DHX57: variants seen among roughly 807,000 people sequenced by gnomAD.
DHX57 encodes DExH-box helicase 57.
A neutral mutation model predicts 156.2 loss-of-function variants in DHX57; 105 were observed. The observed-to-expected ratio is 0.67, with a 90% CI of 0.57 to 0.79. The LOEUF is 0.79. Ranked by LOEUF, DHX57 falls within the 30% of genes least tolerant of loss-of-function variation. The probability of loss-of-function intolerance (pLI) is 0.00; values close to 1 mark genes in which losing one functional copy is unlikely to be tolerated. For missense variants in DHX57, 1,847 were observed against 1,661.9 expected, an observed-to-expected ratio of 1.11 and a Z score of -1.94; for synonymous variants, 704 against 595.6, an observed-to-expected ratio of 1.18 and a Z score of -2.65.
At chr2:38,803,153 T>C (rs914467389) in intron 22 of DHX57, 32 of 487,282 alleles carry the variant, frequency 6.6e-5, no homozygotes, top group Non-Finnish European at 9.8e-5. Context: ...TTTTTTAAAT[T>C]TTTTCGTAGA....
chr2:38,864,276 G>C (rs1168914350), intron 2 of DHX57, among the ~76,000 whole-genome samples: 1 of 150,284 alleles, frequency 6.7e-6, no homozygotes, highest in Non-Finnish European at 1.5e-5. Context: ...CAGGGGCATT[G>C]GCTCACACCT....
At chr2:38,804,833 C>T (rs948798964) in intron 22 of DHX57, among the ~76,000 whole-genome samples, 34 of 152,310 alleles carry the variant, frequency 2.2e-4, no homozygotes, top group African/African-American at 7.2e-4. Flanking sequence ...TGTTTCTCAT[C>T]CCGGAGTTCT....
intron 12 of DHX57, among the ~76,000 whole-genome samples, chr2:38,840,881 C>T (rs1397708375): frequency 5.9e-5 from 9 of 152,114 alleles, no homozygotes; most frequent in African/African-American, 2.2e-4. Context: ...TGCACTAGTG[C>T]GATCATAGCT....
chr2:38,818,032 CT>C lies in DHX57; in HGVS notation c.3471+844del, dbSNP rs1670629894. On this transcript the variant is annotated intron_variant, in intron 19 of 23. Coordinates refer to ENST00000457308, the MANE Select transcript of DHX57 (RefSeq NM_198963.3). ...ACTCATTATATTCACATAGTAGGTT[CT>C]GATAGATGTAAGAAAAATTAACAAA... Among the ~76,000 whole-genome samples the C allele has an allele frequency of 2.6e-5, 4 of 152,122 alleles. No individual in the cohort carries two copies. In the South Asian group the frequency reaches 8.3e-4, roughly 32 times the overall value.
chr2:38,849,547 TA>T (rs10574818), intron 9 of DHX57, among the ~76,000 whole-genome samples: 51,152 of 150,608 alleles, frequency 0.34, 8,816 homozygotes, highest in Admixed American at 0.37. Context: ...CCCCATCTCT[TA>T]AAAAAAAAAA....
chr2:38,856,291 A>G, intron 7 of DHX57, 49 bp downstream of exon 7: 1 of 1,580,796 alleles, frequency 6.3e-7, no homozygotes, highest in South Asian at 1.2e-5. Context: ...ACCAGGGTGC[A>G]TATAATATTT....
At chr2:38,857,910 T>C (rs1293591231) in intron 6 of DHX57, among the ~76,000 whole-genome samples, 1 of 152,190 alleles carries the variant, frequency 6.6e-6, no homozygotes, top group Non-Finnish European at 1.5e-5. Context: ...GCAGTATTTG[T>C]TTTGTTTTGT....
rs1673205760 is a variant in DHX57 at position 38,861,498 on chromosome 2, G to A, written c.912C>T (p.Ile304=). 2 of 1,614,068 alleles carry A rather than the reference G, an allele frequency of 1.2e-6. No homozygotes were observed. Among genetic ancestry groups the A allele is most frequent in the Non-Finnish European group, 1.7e-6 (2 of 1,180,026 alleles). ...TKNVQENSLE[I]CKFYLKGNCK... ...AATTTCCTTTGAGGTAAAATTTACAGATTTCAAGTGAATTCTCTTGTACAT... is the reference window on the plus strand; with the variant it reads ...AATTTCCTTTGAGGTAAAATTTACAAATTTCAAGTGAATTCTCTTGTACAT... Residue 304 remains isoleucine (I), a synonymous_variant, in exon 5 of 24, where the codon ATC becomes ATT. Transcript: ENST00000457308.
At chr2:38,874,462 T>G (rs1177732313) in intron 1 of DHX57, among the ~76,000 whole-genome samples, 1 of 135,566 alleles carries the variant, frequency 7.4e-6, no homozygotes, top group Non-Finnish European at 1.5e-5. Flanking sequence ...CAGGCTGGAG[T>G]GCACTGGCGC....
chr2:38,856,212 C>G, intron 7 of DHX57, 128 bp downstream of exon 7: 1 of 1,346,162 alleles, frequency 7.4e-7, no homozygotes, highest in Non-Finnish European at 9.8e-7. Flanking sequence ...TGCCTTATGT[C>G]TCAAGGCAGA....
At chr2:38,834,315 G>A (rs1028067458) in intron 13 of DHX57, among the ~76,000 whole-genome samples, 8 of 94,020 alleles carry the variant, frequency 8.5e-5, no homozygotes, top group Middle Eastern at 0.019. Context: ...TGGTCAACAA[G>A]AGCAAAACTC....
intron 12 of DHX57, among the ~76,000 whole-genome samples, chr2:38,839,105 T>C (rs1671842930): frequency 6.6e-6 from 1 of 151,800 alleles, no homozygotes; most frequent in South Asian, 2.1e-4. Flanking sequence ...CTAATTTTTG[T>C]ATTTTTAGTA....
At chr2:38,805,992 T>C (rs969170779) in intron 22 of DHX57, among the ~76,000 whole-genome samples, 10 of 151,596 alleles carry the variant, frequency 6.6e-5, no homozygotes, top group Admixed American at 2.6e-4. Flanking sequence ...ATAAAGGAGA[T>C]AGAGGGGATG....
At position 38,859,654 on chromosome 2, in the gene DHX57, G is replaced by A. The variant is rs144900465; in HGVS notation, c.1412-818C>T. On this transcript the variant is annotated intron_variant, in intron 5 of 23. Transcript: ENST00000457308. ...GCTAGAAGCTGCCATCTGGGAGTGG[G>A]TCGGGTGGTTAGTGAGTGAATCTGG... Among the ~76,000 whole-genome samples, 13 of 152,234 alleles carry A rather than the reference G, an allele frequency of 8.5e-5. No homozygotes were observed. The East Asian group carries it at 2.5e-3, about 29-fold the overall frequency.
At chr2:38,868,123 C>T in intron 2 of DHX57, 59 bp downstream of exon 2, 3 of 1,583,592 alleles carry the variant, frequency 1.9e-6, no homozygotes, top group Non-Finnish European at 2.6e-6. Context: ...CATCTGTTGT[C>T]CCATACATTA....
intron 9 of DHX57, among the ~76,000 whole-genome samples, chr2:38,852,746 C>A (rs1672670594): frequency 6.6e-6 from 1 of 151,966 alleles, no homozygotes; most frequent in African/African-American, 2.4e-5. Context: ...TCCTCAGTAG[C>A]TGGAACTACA....
chr2:38,855,393 C>T (rs1672846406), intron 7 of DHX57, 141 bp from the exon 8 acceptor site: 3 of 875,312 alleles, frequency 3.4e-6, no homozygotes, highest in Non-Finnish European at 3.7e-6. Flanking sequence ...AAAACAACCT[C>T]CTGACTTATT....
intron 21 of DHX57, chr2:38,811,166 G>A (rs1670225736): frequency 3.9e-6 from 2 of 509,574 alleles, no homozygotes; most frequent in Non-Finnish European, 7.4e-6. Flanking sequence ...GACTGGGATG[G>A]GAATCCCATG....
chr2:38,819,135 A>G lies in DHX57; in HGVS notation c.3301T>C (p.Trp1101Arg). 3 of 1,613,926 alleles carry G rather than the reference A, an allele frequency of 1.9e-6. No individual in the cohort carries two copies. Among genetic ancestry groups the G allele is most frequent in the Non-Finnish European group, 2.5e-6 (3 of 1,179,992 alleles). Reference sequence around the variant, plus strand: ...TGGTTAGCTTCTTCTTTTTTATCCCAGGGAGATACCTAAAGGAGAGAGGAA... The same window carrying G: ...TGGTTAGCTTCTTCTTTTTTATCCCGGGGAGATACCTAAAGGAGAGAGGAA... ...LAFKSPFVSP[W>R]DKKEEANQKK... The change falls in exon 18 of 24, where the codon TGG becomes CGG. Residue 1101 changes from tryptophan to arginine, a missense_variant. Coordinates refer to ENST00000457308, the MANE Select transcript of DHX57 (RefSeq NM_198963.3).
Sources: gnomAD v4.1 joint callset for allele counts (sites outside exome capture counted in the v4.1 genomes callset) on GRCh38, gnomAD v4.1.1 for gene constraint, MANE v1.5 for transcripts, NCBI Gene and HGNC (gene_info 2026-07-23, HGNC 2026-07-21) for gene names.